Variants in TAS2R1 observed in about 807,000 individuals in gnomAD.
TAS2R1 encodes the protein taste 2 receptor member 1.
For synonymous variants in TAS2R1, 141 were observed against 134.2 expected (o/e 1.05, Z -0.35); for missense variants, 370 against 353.4 (o/e 1.05, Z -0.38).
chr5:9,740,933 T>C, the TAS2R1 span, among the ~76,000 whole-genome samples: 1 of 152,228 alleles, frequency 6.6e-6, no homozygotes, highest in African/African-American at 2.4e-5. Context: ...TCTTTTGATG[T>C]GTCCTAGTGG....
chr5:9,814,808 T>C, the TAS2R1 span, among the ~76,000 whole-genome samples: 1 of 152,222 alleles, frequency 6.6e-6, no homozygotes, highest in Non-Finnish European at 1.5e-5. Flanking sequence ...ATATCCTTCC[T>C]CTGACTTTGC....
the TAS2R1 span, among the ~76,000 whole-genome samples, chr5:9,842,316 C>CTTTTTTTTTTTTTTTTTTT: frequency 1.7e-5 from 2 of 116,226 alleles, no homozygotes; most frequent in African/African-American, 3.4e-5. Context: ...TTCTTTCTCT[C>CTTTTTTTTTTTTTTTTTTT]TTTTTTTTTT....
intron 1 of TAS2R1, among the ~76,000 whole-genome samples, chr5:9,684,265 A>G (rs1277780526): frequency 3.9e-5 from 6 of 152,244 alleles, no homozygotes; most frequent in South Asian, 4.1e-4. Flanking sequence ...GAATGAGCCT[A>G]GAGGATATTG....
upstream of TAS2R1, among the ~76,000 whole-genome samples, chr5:9,712,736 GTC>G (rs890572129): frequency 1.3e-5 from 2 of 152,084 alleles, no homozygotes; most frequent in South Asian, 2.1e-4. Flanking sequence ...CACGTGCGCT[GTC>G]TCTCTCTCTC....
chr5:9,864,349 C>G, the TAS2R1 span, among the ~76,000 whole-genome samples: 1,611 of 152,150 alleles, frequency 0.011, 32 homozygotes, highest in African/African-American at 0.037. Flanking sequence ...GTAGCCTGGC[C>G]GGGTGCAGTG....
the TAS2R1 span, among the ~76,000 whole-genome samples, chr5:9,782,654 T>A: frequency 6.6e-6 from 1 of 152,212 alleles, no homozygotes; most frequent in African/African-American, 2.4e-5. Flanking sequence ...GATGGGCGCA[T>A]TAACCACAAA....
At chr5:9,853,735 G>T in the TAS2R1 span, among the ~76,000 whole-genome samples, 1 of 152,106 alleles carries the variant, frequency 6.6e-6, no homozygotes, top group Non-Finnish European at 1.5e-5. Flanking sequence ...ACCTTTGCTG[G>T]AGAACCACGC....
chr5:9,712,934 C>T (rs1438962539), upstream of TAS2R1: 1 of 152,142 alleles, frequency 6.6e-6, no homozygotes, highest in Non-Finnish European at 1.5e-5. Context: ...ACCTTCCTCA[C>T]ACCACCACCT....
the TAS2R1 span, among the ~76,000 whole-genome samples, chr5:9,853,110 T>C: frequency 4.6e-5 from 7 of 152,200 alleles, no homozygotes; most frequent in South Asian, 2.1e-4. Flanking sequence ...TATCCCAGAA[T>C]TGGAATCCCT....
chr5:9,767,923 CA>C, the TAS2R1 span, among the ~76,000 whole-genome samples: 145 of 96,310 alleles, frequency 1.5e-3, 1 homozygote, highest in East Asian at 0.016. Context: ...GACTCCGTCT[CA>C]AAAAAAAAAA....
chr5:9,646,768 C>T (rs2126485134), intron 2 of TAS2R1, among the ~76,000 whole-genome samples: 1 of 152,210 alleles, frequency 6.6e-6, no homozygotes, highest in South Asian at 2.1e-4. Flanking sequence ...GAATGTGGGA[C>T]CAGCCTTTGT....
chr5:9,636,778 GAT>G (rs1485193572), intron 2 of TAS2R1, among the ~76,000 whole-genome samples: 2 of 151,984 alleles, frequency 1.3e-5, no homozygotes, highest in Non-Finnish European at 2.9e-5. Context: ...ATTTGCATGG[GAT>G]ATCTTTTTCC....
At chr5:9,748,863 C>A in the TAS2R1 span, among the ~76,000 whole-genome samples, 1 of 152,068 alleles carries the variant, frequency 6.6e-6, no homozygotes, top group Non-Finnish European at 1.5e-5. Flanking sequence ...GAATTCTCAA[C>A]CCCCTTTGAC....
the TAS2R1 span, among the ~76,000 whole-genome samples, chr5:9,826,493 C>T: frequency 1.3e-5 from 2 of 152,208 alleles, no homozygotes; most frequent in East Asian, 3.9e-4. Flanking sequence ...CTTATTTATT[C>T]TTGCACTTTT....
the TAS2R1 span, among the ~76,000 whole-genome samples, chr5:9,849,806 G>T: frequency 6.6e-6 from 1 of 152,090 alleles, no homozygotes; most frequent in African/African-American, 2.4e-5. Flanking sequence ...CAGGACCAAG[G>T]GCTAGTGCTG....
the TAS2R1 span, among the ~76,000 whole-genome samples, chr5:9,768,620 G>A: frequency 6.6e-6 from 1 of 151,966 alleles, no homozygotes; most frequent in African/African-American, 2.4e-5. Flanking sequence ...CCCATTCCTT[G>A]AACAGTCACT....
the TAS2R1 span, among the ~76,000 whole-genome samples, chr5:9,894,221 G>A: frequency 6.6e-6 from 1 of 152,034 alleles, no homozygotes; most frequent in African/African-American, 2.4e-5. Context: ...TGGCCAACAT[G>A]ACGAAACCCC....
chr5:9,702,564 C>A (rs766675441), intron 1 of TAS2R1, among the ~76,000 whole-genome samples: 8 of 152,166 alleles, frequency 5.3e-5, no homozygotes, highest in Non-Finnish European at 1.0e-4. Context: ...ACCCACCCGG[C>A]TGAGCCTGGC....
At chr5:9,740,059 T>A in the TAS2R1 span, among the ~76,000 whole-genome samples, 45,778 of 152,042 alleles carry the variant, frequency 0.3, 7,370 homozygotes, top group Middle Eastern at 0.49. Flanking sequence ...ACAGGAGTTG[T>A]CTAGTCCCAA....
Sources: allele counts gnomAD v4.1 joint callset (sites outside exome capture counted in the v4.1 genomes callset), GRCh38; gene constraint gnomAD v4.1.1; transcripts MANE v1.5; gene names NCBI Gene and HGNC (gene_info 2026-07-23, HGNC 2026-07-21).